The following CCDC77 variants were observed in gnomAD, a reference collection of about 807,000 sequenced individuals.
CCDC77 encodes coiled-coil domain-containing protein 77.
In CCDC77, 56 loss-of-function variants were observed where a neutral mutation model predicts 66.8. The ratio of observed to expected loss-of-function variants is 0.84; its 90% CI spans 0.68 to 1.05. The LOEUF (loss-of-function observed/expected upper bound fraction) is 1.05. Ranked by LOEUF, CCDC77 falls within the 50% of genes least tolerant of loss-of-function variation. The pLI, the probability that CCDC77 is intolerant of heterozygous loss-of-function variation, is 0.00. For missense variants in CCDC77, 570 were observed against 576.8 expected (o/e 0.99, Z 0.12); for synonymous variants, 196 against 195.2 (o/e 1.00, Z -0.03).
intron 2 of CCDC77, among the ~76,000 whole-genome samples, chr12:408,855 G>A (rs1945048014): frequency 6.6e-6 from 1 of 151,992 alleles, no homozygotes; most frequent in Admixed American, 6.6e-5. Flanking sequence ...ATTATGAGGA[G>A]TACCTTTTGA....
upstream of CCDC77, among the ~76,000 whole-genome samples, chr12:398,005 C>T (rs1944850840): frequency 6.6e-6 from 1 of 152,128 alleles, no homozygotes; most frequent in Non-Finnish European, 1.5e-5. Context: ...AATATTTTCA[C>T]TGATGGAGGG....
intron 5 of CCDC77, among the ~76,000 whole-genome samples, chr12:424,390 G>C (rs527502322): frequency 6.7e-6 from 1 of 149,826 alleles, no homozygotes; most frequent in African/African-American, 2.5e-5. Flanking sequence ...TTTTTTAGGG[G>C]CAGGGTATCA....
intron 2 of CCDC77, among the ~76,000 whole-genome samples, chr12:406,910 G>A (rs1945002950): frequency 6.6e-6 from 1 of 152,324 alleles, no homozygotes; most frequent in East Asian, 1.9e-4. Flanking sequence ...TTGCGCCATC[G>A]CACTCCAGCT....
At chr12:416,137 C>T (rs902352282) in intron 4 of CCDC77, among the ~76,000 whole-genome samples, 3 of 151,252 alleles carry the variant, frequency 2.0e-5, no homozygotes, top group Non-Finnish European at 2.9e-5. Context: ...GACAGAATCT[C>T]GCTCTGTTGT....
chr12:400,352 A>G (rs1358341455), upstream of CCDC77, among the ~76,000 whole-genome samples: 1 of 152,182 alleles, frequency 6.6e-6, no homozygotes, highest in Non-Finnish European at 1.5e-5. Flanking sequence ...AGCACTTTTA[A>G]TTTCCTTCAA....
chr12:416,329 CTGTGGGTGTGTGGGGGTGTGTGTGTG>C (rs1945256969), intron 4 of CCDC77, among the ~76,000 whole-genome samples: 1 of 32,208 alleles, frequency 3.1e-5, no homozygotes, highest in Admixed American at 5.2e-4. Flanking sequence ...GTGTGTGAGT[CTGTGGGTGTGTGGGGGTGTGTGTGTG>C]TGTGTGTGTG....
At chr12:427,808 G>T (rs1357351949) in intron 5 of CCDC77, among the ~76,000 whole-genome samples, 1 of 152,124 alleles carries the variant, frequency 6.6e-6, no homozygotes, top group Admixed American at 6.6e-5. Context: ...CCTTGGCCCA[G>T]TCCAGACCTA....
intron 5 of CCDC77, among the ~76,000 whole-genome samples, chr12:419,389 G>A (rs1027518779): frequency 2.0e-5 from 3 of 152,128 alleles, no homozygotes; most frequent in Non-Finnish European, 4.4e-5. Context: ...TCACAAGAAG[G>A]AGTCATAGCA....
chr12:410,797 T>C (rs956782559), intron 3 of CCDC77, among the ~76,000 whole-genome samples: 3 of 152,198 alleles, frequency 2.0e-5, no homozygotes, highest in Admixed American at 1.3e-4. Context: ...TTGCCCGCCT[T>C]GGCCTCCCAA....
chr12:391,295 T>C (rs1944750889), intron 1 of CCDC77, among the ~76,000 whole-genome samples: 1 of 152,072 alleles, frequency 6.6e-6, no homozygotes, highest in Non-Finnish European at 1.5e-5. Flanking sequence ...CTATTAAAAA[T>C]GTACAACAAT....
At chr12:407,782 A>ATTTTTTTTTTTTTTTTTTTTTT (rs386375348) in intron 2 of CCDC77, among the ~76,000 whole-genome samples, 1 of 100,438 alleles carries the variant, frequency 1.0e-5, no homozygotes, top group African/African-American at 4.0e-5. Flanking sequence ...AGGACTGAAG[A>ATTTTTTTTTTTTTTTTTTTTTT]TTTTTTTTTT....
intron 4 of CCDC77, among the ~76,000 whole-genome samples, chr12:412,238 CTTCT>C (rs1361052755): frequency 6.6e-6 from 1 of 152,154 alleles, no homozygotes; most frequent in East Asian, 1.9e-4. Context: ...TAGTCCTTAA[CTTCT>C]TTGTTACCTC....
chr12:438,658 G>T, intron 10 of CCDC77, 104 bp downstream of exon 10: 2 of 814,690 alleles, frequency 2.5e-6, no homozygotes, highest in Non-Finnish European at 3.9e-6. Flanking sequence ...AGTCCAGGAA[G>T]CTCTGGTAGC....
chr12:436,795 G>T (rs934064971), intron 9 of CCDC77: 1 of 982,028 alleles, frequency 1.0e-6, no homozygotes, highest in Non-Finnish European at 1.2e-6. Flanking sequence ...CCTAAGAAGG[G>T]CATGAAATCC....
intron 10 of CCDC77, among the ~76,000 whole-genome samples, chr12:438,991 T>C (rs1945808918): frequency 6.6e-6 from 1 of 151,618 alleles, no homozygotes; most frequent in South Asian, 2.1e-4. Flanking sequence ...GGCAGGAGAA[T>C]TGCTTGAACC....
At chr12:431,507 G>T (rs552397729) in intron 7 of CCDC77, among the ~76,000 whole-genome samples, 2 of 152,224 alleles carry the variant, frequency 1.3e-5, no homozygotes, top group South Asian at 4.2e-4. Flanking sequence ...TGAGATTACA[G>T]GCATGAGCCA....
upstream of CCDC77, among the ~76,000 whole-genome samples, chr12:400,936 A>C (rs1591956516): frequency 6.6e-6 from 1 of 152,148 alleles, no homozygotes; most frequent in Non-Finnish European, 1.5e-5. Context: ...TAGCAGATGC[A>C]CGTTCCATTT....
At chr12:406,522 C>T (rs909931862) in intron 2 of CCDC77, among the ~76,000 whole-genome samples, 11 of 152,138 alleles carry the variant, frequency 7.2e-5, no homozygotes, top group African/African-American at 1.2e-4. Context: ...AGGACCTTGT[C>T]GGCAATTTTA....
At chr12:396,407 TAAAAA>T (rs1486024115) in intron 1 of CCDC77, among the ~76,000 whole-genome samples, 1 of 151,850 alleles carries the variant, frequency 6.6e-6, no homozygotes, top group Non-Finnish European at 1.5e-5. Flanking sequence ...AATAAATAAA[TAAAAA>T]AGGAAAAGGA....
Sources: allele counts gnomAD v4.1 joint callset (sites outside exome capture counted in the v4.1 genomes callset), GRCh38; gene constraint gnomAD v4.1.1; transcripts MANE v1.5; gene names NCBI Gene and HGNC (gene_info 2026-07-23, HGNC 2026-07-21).